DSCAML1: variants seen among roughly 807,000 people sequenced by gnomAD.
DSCAML1 encodes DS cell adhesion molecule like 1.
DSCAML1 carries 38 observed loss-of-function variants against 200.5 expected under a neutral mutation model. The observed-to-expected ratio is 0.19, with a 90% CI of 0.15 to 0.25. DSCAML1 has a LOEUF of 0.25. DSCAML1 is among the 10% of genes least tolerant of loss of function. DSCAML1 has a pLI of 1.00. For synonymous variants in DSCAML1, 1,215 were observed against 1,165.0 expected (o/e 1.04, Z -0.87); for missense variants, 2,223 against 2,858.8 (o/e 0.78, Z 5.07).
At chr11:117,593,351 G>A (rs936148101) in intron 3 of DSCAML1, among the ~76,000 whole-genome samples, 5 of 152,184 alleles carry the variant, frequency 3.3e-5, no homozygotes, top group African/African-American at 9.7e-5. Flanking sequence ...CTGCCTCCCC[G>A]TGCACCTCGC....
intron 3 of DSCAML1, among the ~76,000 whole-genome samples, chr11:117,660,640 AACG>A (rs747691926): frequency 1.6e-4 from 24 of 152,326 alleles, no homozygotes; most frequent in Non-Finnish European, 3.4e-4. Context: ...TGTTGTAAAC[AACG>A]TAAGTCCCTC....
At chr11:117,460,772 C>T (rs1161899503) in intron 18 of DSCAML1, among the ~76,000 whole-genome samples, 3 of 152,142 alleles carry the variant, frequency 2.0e-5, no homozygotes, top group Admixed American at 6.5e-5. Flanking sequence ...CTCCACTGTG[C>T]GCACCTCTCT....
At chr11:117,574,994 C>G (rs1367181332) in intron 3 of DSCAML1, among the ~76,000 whole-genome samples, 1 of 152,048 alleles carries the variant, frequency 6.6e-6, no homozygotes, top group Non-Finnish European at 1.5e-5. Context: ...AGTTCGAGAC[C>G]AGCCTGGCTA....
chr11:117,442,266 G>A (rs967460394), intron 21 of DSCAML1, among the ~76,000 whole-genome samples: 10 of 151,162 alleles, frequency 6.6e-5, no homozygotes, highest in Middle Eastern at 3.2e-3. Flanking sequence ...GTGTGTGCAT[G>A]TATTAGTGTG....
intron 3 of DSCAML1, chr11:117,668,906 C>A (rs142872874): frequency 6.6e-6 from 1 of 152,016 alleles, no homozygotes. Context: ...TGATAGAAGG[C>A]GGGTACTTTG....
intron 3 of DSCAML1, among the ~76,000 whole-genome samples, chr11:117,717,084 G>A (rs112575712): frequency 6.6e-6 from 1 of 152,278 alleles, no homozygotes; most frequent in African/African-American, 2.4e-5. Flanking sequence ...ACTTCTAGGG[G>A]GAAGAAAGAT....
intron 1 of DSCAML1, among the ~76,000 whole-genome samples, chr11:117,788,289 GGTTT>G (rs1266148262): frequency 1.3e-5 from 2 of 152,060 alleles, no homozygotes; most frequent in Non-Finnish European, 2.9e-5. Flanking sequence ...TGGTTTTTTT[GGTTT>G]GTTTTGTTGT....
chr11:117,468,973 T>A (rs1313530655), intron 16 of DSCAML1, among the ~76,000 whole-genome samples: 1 of 152,044 alleles, frequency 6.6e-6, no homozygotes, highest in Admixed American at 6.5e-5. Context: ...AGCCCCACTG[T>A]TGAGATGGGA....
chr11:117,707,242 A>G (rs2053773134), intron 3 of DSCAML1, among the ~76,000 whole-genome samples: 1 of 152,218 alleles, frequency 6.6e-6, no homozygotes, highest in South Asian at 2.1e-4. Flanking sequence ...CTGCCCTGAG[A>G]ATCAGCTTAA....
At chr11:117,576,748 T>C (rs2050939032) in intron 3 of DSCAML1, among the ~76,000 whole-genome samples, 1 of 152,192 alleles carries the variant, frequency 6.6e-6, no homozygotes, top group African/African-American at 2.4e-5. Context: ...TGAGCATGTG[T>C]TGCTGCCGGA....
intron 3 of DSCAML1, among the ~76,000 whole-genome samples, chr11:117,772,057 G>A (rs2055048645): frequency 6.6e-6 from 1 of 152,102 alleles, no homozygotes; most frequent in East Asian, 1.9e-4. Context: ...TGTCTGCCCG[G>A]CAGGCCTATG....
intron 3 of DSCAML1, among the ~76,000 whole-genome samples, chr11:117,606,459 T>A (rs997420388): frequency 1.3e-5 from 2 of 152,212 alleles, no homozygotes; most frequent in African/African-American, 4.8e-5. Flanking sequence ...AAACCCCACT[T>A]CTTTCACTTT....
At chr11:117,519,616 T>C (rs2049849530) in intron 6 of DSCAML1, among the ~76,000 whole-genome samples, 1 of 152,068 alleles carries the variant, frequency 6.6e-6, no homozygotes, top group Admixed American at 6.6e-5. Context: ...ACCCAGGAGT[T>C]TGAGACCAGT....
chr11:117,525,427 T>C (rs1270018731), intron 4 of DSCAML1, among the ~76,000 whole-genome samples: 1 of 150,676 alleles, frequency 6.6e-6, no homozygotes, highest in Admixed American at 6.6e-5. Flanking sequence ...AGGGTGTGCA[T>C]GAGAACTCCT....
chr11:117,625,179 C>T (rs1261659159), intron 3 of DSCAML1, among the ~76,000 whole-genome samples: 1 of 151,986 alleles, frequency 6.6e-6, no homozygotes, highest in Non-Finnish European at 1.5e-5. Flanking sequence ...GTGGGGGCCT[C>T]ATGGGTTGCT....
chr11:117,438,973 G>C lies in DSCAML1; in HGVS notation c.4155C>G (p.Asp1385Glu), dbSNP rs750482830. 1 of 1,604,936 alleles carries C rather than the reference G, an allele frequency of 6.2e-7. No homozygotes were observed. Among genetic ancestry groups the C allele is most frequent in the Admixed American group, 1.7e-5 (1 of 57,390 alleles). Residue 1385 changes from aspartate (D) to glutamate (E), a missense_variant, in exon 24 of 33, where the codon GAC (aspartate) becomes GAG (glutamate). Physicochemically the swap from Asp to Glu is conservative, Grantham distance 45. Around this residue, in one of 7 missense-constraint regions of DSCAML1, gnomAD observed 614 missense variants for 739.1 expected, o/e 0.83. Coordinates refer to ENST00000651296, the MANE Select transcript of DSCAML1 (RefSeq NM_020693.4). ...IVNLLVQVPPDQPRLTVSKTS... is the reference protein window; with the variant it reads ...IVNLLVQVPPEQPRLTVSKTS... ...TTTTGGAGACAGTGAGGCGGGGCTG[G>C]TCCGGGGGAACTGTGAGGGGAAAGC...
intron 1 of DSCAML1, among the ~76,000 whole-genome samples, chr11:117,791,783 A>G (rs1052613726): frequency 6.6e-6 from 1 of 152,262 alleles, no homozygotes; most frequent in Non-Finnish European, 1.5e-5. Flanking sequence ...TCAACTGCTT[A>G]GGGAAGGATC....
rs1565747656 is a variant in DSCAML1, at chr11:117,505,616, C to T, written c.1900G>A (p.Gly634Arg). ...CCCGAGCCTGAGATGATCACCTGTCCGTCCTTCCTCCAGGTGATACGGATG... is the reference window on the plus strand; with the variant it reads ...CCCGAGCCTGAGATGATCACCTGTCTGTCCTTCCTCCAGGTGATACGGATG... ...MPIRITWRKD[G>R]QVIISGSGVT... The change falls in exon 9 of 33, where the codon GGA becomes AGA. Residue 634 changes from glycine (G) to arginine (R), a missense_variant. Around this residue, in one of 7 missense-constraint regions of DSCAML1, gnomAD observed 212 missense variants for 368.0 expected, o/e 0.58. Transcript: ENST00000651296. This position sits in a 1 kb window ranked among gnomAD's most constrained non-coding sequence, Gnocchi z 6.7. 4.3e-6 allele frequency: 7 copies of T among 1,614,008 alleles called. No individual in the cohort carries two copies. The highest frequency in any genetic ancestry group is 1.1e-5 in the South Asian group (1 of 91,060).
chr11:117,677,146 G>C lies in DSCAML1; in HGVS notation c.511+99645C>G, dbSNP rs371458526. On this transcript the variant is annotated intron_variant, in intron 3 of 32. Transcript: ENST00000651296. The stretch of plus-strand genomic sequence containing the variant: ...TCTGATATCCTCAATTTGTGATGAT[G>C]GCATGTAAAAGAGGACATTTCTCAT... 3.9e-5 allele frequency among the ~76,000 whole-genome samples: 6 copies of C among 152,298 alleles called. No individual in the cohort carries two copies. In the East Asian group the frequency reaches 9.6e-4, roughly 24 times the overall value.
Sources: gnomAD v4.1 joint callset for allele counts (sites outside exome capture counted in the v4.1 genomes callset) on GRCh38, gnomAD v4.1.1 for gene constraint, gnomAD v4.1.1 regional missense constraint, Gnocchi (gnomAD v3.1) non-coding constraint, MANE v1.5 for transcripts, NCBI Gene and HGNC (gene_info 2026-07-23, HGNC 2026-07-21) for gene names.